The following LILRA5 variants were observed in gnomAD, a reference collection of about 807,000 sequenced individuals.
The protein encoded by LILRA5 is leukocyte immunoglobulin like receptor A5, also known as leukocyte immunoglobulin-like receptor subfamily A member 5.
Under a neutral mutation model 36.3 loss-of-function variants are expected in LILRA5, and 31 were observed. That is an observed-to-expected ratio of 0.85 (90% CI 0.64 to 1.15). LILRA5 has a LOEUF of 1.15. LILRA5 is among the 50% of genes most tolerant of loss of function. LILRA5 has a pLI of 0.00. For missense variants in LILRA5, 348 were observed against 377.4 expected (o/e 0.92, Z 0.64); for synonymous variants, 144 against 144.8 (o/e 0.99, Z 0.04).
chr19:54,312,764 A>C, intron 1 of LILRA5, 143 bp from the exon 2 acceptor site: 3 of 886,562 alleles, frequency 3.4e-6, no homozygotes, highest in Non-Finnish European at 5.3e-6. Context: ...GCTGAAGTGA[A>C]GTAGTTGAGA....
chr19:54,310,026 G>A (rs376451741), intron 5 of LILRA5: 13 of 317,694 alleles, frequency 4.1e-5, no homozygotes, highest in East Asian at 2.8e-4. Flanking sequence ...CAGGTCTGGC[G>A]TGGACTCCAG....
intron 5 of LILRA5, 82 bp downstream of exon 5, chr19:54,311,332 C>G: frequency 6.2e-7 from 1 of 1,612,254 alleles, no homozygotes; most frequent in Non-Finnish European, 8.5e-7. Flanking sequence ...TCTTTCTTAG[C>G]AGGGGCTGCC....
chr19:54,311,278 G>T, intron 5 of LILRA5, 136 bp downstream of exon 5: 1 of 1,587,584 alleles, frequency 6.3e-7, no homozygotes. Flanking sequence ...TCCTCACCCT[G>T]AATTTGTGTC....
intron 5 of LILRA5, chr19:54,308,335 G>GTGTGTGTGTGTGTGTA (rs1421820479): frequency 3.5e-5 from 2 of 57,876 alleles, no homozygotes; most frequent in Non-Finnish European, 8.9e-5. Context: ...GTGTGTGTGT[G>GTGTGTGTGTGTGTGTA]TATATATATG....
At chr19:54,307,844 C>T in intron 5 of LILRA5, 96 bp from the exon 6 acceptor site, 1 of 1,020,192 alleles carries the variant, frequency 9.8e-7, no homozygotes, top group Non-Finnish European at 1.5e-6. Flanking sequence ...GTTCCCTGTG[C>T]CTCTCAACAT....
rs373589629 is a variant in LILRA5, at chr19:54,311,668, G to A, written c.458C>T (p.Thr153Ile). Residue 153 changes from threonine to isoleucine, a missense_variant, in exon 5 of 7, where the codon ACC (threonine) becomes ATC (isoleucine). Transcript: ENST00000432233. ...TLSALPSPVV[T>I]SGENVTLQCG... ...CTGGAGGGTCACGTTCTCTCCTGAGGTCACCACAGGACTGGGCAGGGCTGA... is the reference window on the plus strand; with the variant it reads ...CTGGAGGGTCACGTTCTCTCCTGAGATCACCACAGGACTGGGCAGGGCTGA... The A allele has an allele frequency of 1.1e-5, 18 of 1,614,064 alleles. No individual in the cohort carries two copies. Among genetic ancestry groups the A allele is most frequent in the Non-Finnish European group, 1.5e-5 (18 of 1,180,018 alleles).
At chr19:54,310,255 A>G in intron 5 of LILRA5, 1 of 161,582 alleles carries the variant, frequency 6.2e-6, no homozygotes, top group Non-Finnish European at 1.4e-5. Context: ...GTTCCAAGTC[A>G]GGCCTGGACC....
intron 5 of LILRA5, chr19:54,307,978 G>A (rs1216198518): frequency 1.8e-6 from 1 of 569,310 alleles, no homozygotes; most frequent in Non-Finnish European, 3.1e-6. Context: ...TGAGTCATTT[G>A]GGAAAGAGCT....
rs1259959407 is a variant in LILRA5 at position 54,311,626 on chromosome 19, C to T, written c.500G>A (p.Arg167Lys). The stretch of plus-strand genomic sequence containing the variant: ...CTCAGTCAGAATGAACCTGTCGAAT[C>T]TCAGCCGTGAGCCACACTGGAGGGT... ...NVTLQCGSRL[R>K]FDRFILTEEG... is the part of the protein sequence containing the mutation. Residue 167 changes from arginine to lysine, a missense_variant, in exon 5 of 7, where the codon AGA becomes AAA. Coordinates refer to ENST00000432233, the MANE Select transcript of LILRA5 (RefSeq NM_021250.4). 2 of 1,614,186 alleles carry T rather than the reference C, an allele frequency of 1.2e-6. No individual in the cohort carries two copies. Among genetic ancestry groups the T allele is most frequent in the Non-Finnish European group, 8.5e-7 (1 of 1,180,036 alleles).
chr19:54,308,397 A>ATATG (rs2080940578), intron 5 of LILRA5: 8 of 100,362 alleles, frequency 8.0e-5, no homozygotes, highest in Admixed American at 3.7e-4. Context: ...ATATATATAT[A>ATATG]TATATATATA....
intron 5 of LILRA5, chr19:54,310,492 T>A (rs2080986488): frequency 6.4e-6 from 1 of 156,214 alleles, no homozygotes; most frequent in Non-Finnish European, 1.4e-5. Context: ...ACCCCAGCAC[T>A]GATGGATATG....
At chr19:54,310,741 T>C in intron 5 of LILRA5, 2 of 317,032 alleles carry the variant, frequency 6.3e-6, no homozygotes, top group Non-Finnish European at 1.3e-5. Context: ...GTGGAGGAGG[T>C]CACGTCTGTC....
At position 54,311,449 on chromosome 19, in the gene LILRA5, G is replaced by A. The variant is rs763743033; in HGVS notation, c.677C>T (p.Ser226Leu). The part of the protein sequence containing the change: ...GSRRHILQVW[S>L]EPSDLLEIPV... ...AATCTCCAGGAGGTCACTGGGTTCT[G>A]ACCATACCTGCAGGATATGCCTGCG... Residue 226 changes from serine to leucine, a missense_variant, in exon 5 of 7, where the codon TCA becomes TTA. Ser to Leu is a moderately radical substitution (Grantham distance 145). Coordinates refer to ENST00000432233, the MANE Select transcript of LILRA5 (RefSeq NM_021250.4). The A allele has an allele frequency of 1.9e-6, 3 of 1,614,056 alleles. No homozygotes were observed. The highest frequency in any genetic ancestry group is 2.7e-5 in the African/African-American group (2 of 74,908).
chr19:54,312,643 C>G, intron 1 of LILRA5, 22 bp from the exon 2 acceptor site: 1 of 1,610,282 alleles, frequency 6.2e-7, no homozygotes, highest in Non-Finnish European at 8.5e-7. Context: ...GAGAGACACA[C>G]AGGGTGTGGC....
At chr19:54,308,357 A>G (rs1486232212) in intron 5 of LILRA5, 2,195 of 5,554 alleles carry the variant, frequency 0.4, 259 homozygotes, top group African/African-American at 0.46. Flanking sequence ...ATATATAAAT[A>G]TATATATATA....
rs527264534 is a variant in LILRA5 at position 54,307,629 on chromosome 19, A to C, written c.763+69T>G. The C allele has an allele frequency of 1.4e-4, 231 of 1,611,972 alleles. 2 individuals carry two copies. In the Middle Eastern group the frequency reaches 1.5e-3, roughly 10 times the overall value. ...GGACCCCTGGATGTCTCCCCAGGGC[A>C]CCCATATCATCTTGACAGGACCTGA... On this transcript the variant is annotated intron_variant, in intron 6 of 6. Coordinates refer to ENST00000432233, the MANE Select transcript of LILRA5 (RefSeq NM_021250.4).
At chr19:54,310,548 G>A (rs759818) in intron 5 of LILRA5, 69,192 of 157,630 alleles carry the variant, frequency 0.44, 15,805 homozygotes, top group Non-Finnish European at 0.51. Flanking sequence ...TAACCCTTGC[G>A]AGGCATAGCT....
In LILRA5 at chr19:54,311,267, T is replaced by C. The variant is rs547651235; in HGVS notation, c.712+147A>G. On this transcript the variant is annotated intron_variant, in intron 5 of 6. Transcript: ENST00000432233. The stretch of plus-strand genomic sequence containing the variant: ...CACTGTGCCCAGCCCTTGCTTTGTT[T>C]TCCTCACCCTGAATTTGTGTCCCTA... The C allele has an allele frequency of 9.6e-6, 15 of 1,567,306 alleles. No individual in the cohort carries two copies. The African/African-American group carries it at 1.9e-4, about 20-fold the overall frequency.
Position 54,307,509 on chromosome 19 carries a change from G to A in LILRA5, c.804C>T (p.Arg268=). 1 of 1,614,030 alleles carries A rather than the reference G, an allele frequency of 6.2e-7. No homozygotes were observed. Among genetic ancestry groups the A allele is most frequent in the Non-Finnish European group, 8.5e-7 (1 of 1,179,988 alleles). ...LQDYAVENLI[R]MGMAGLILVV... ...CCAGGATCAAGCCGGCCATGCCCAT[G>A]CGGATGAGATTCTCTACTGCGTAAT... is the stretch of plus-strand genomic sequence containing the variant. Residue 268 remains arginine (R), a synonymous_variant, in exon 7 of 7, where the codon CGC becomes CGT. Transcript: ENST00000432233.
Sources: allele counts gnomAD v4.1 joint callset, GRCh38; gene constraint gnomAD v4.1.1; transcripts MANE v1.5; gene names NCBI Gene and HGNC (gene_info 2026-07-23, HGNC 2026-07-21).